PPIG: variants seen among roughly 807,000 people sequenced by gnomAD.
The protein encoded by PPIG is peptidyl-prolyl cis-trans isomerase G.
Under a neutral mutation model 87.9 loss-of-function variants are expected in PPIG, and 26 were observed. The observed-to-expected ratio is 0.30, with a 90% CI of 0.22 to 0.41. The LOEUF is 0.41. PPIG is among the 10% of genes least tolerant of loss of function. The pLI is 1.00. For missense variants in PPIG, 722 were observed against 879.4 expected, an observed-to-expected ratio of 0.82 and a Z score of 2.26; for synonymous variants, 308 against 276.5, an observed-to-expected ratio of 1.11 and a Z score of -1.13.
rs866763319 is a variant in PPIG at position 169,618,451 on chromosome 2, T to C, written c.547+3727T>C. Among the ~76,000 whole-genome samples, 11 of 152,354 alleles carry C rather than the reference T, an allele frequency of 7.2e-5. No individual in the cohort carries two copies. The Middle Eastern group carries it at 0.02, about 283-fold the overall frequency. ...TGGTACCAGCTCCTCTTTGTACCTC[T>C]GGTAGAATTTAGCTGTGAATCCATC... is the stretch of plus-strand genomic sequence containing the variant. On this transcript the variant is annotated intron_variant, in intron 9 of 13. Coordinates refer to ENST00000260970, the MANE Select transcript of PPIG (RefSeq NM_004792.3).
intron 1 of PPIG, among the ~76,000 whole-genome samples, chr2:169,585,916 T>C (rs1684690533): frequency 6.6e-6 from 1 of 152,042 alleles, no homozygotes; most frequent in East Asian, 1.9e-4. Flanking sequence ...GGATGGCCGG[T>C]AATTGCTACT....
chr2:169,601,736 A>G (rs1574442501), intron 1 of PPIG, among the ~76,000 whole-genome samples: 1 of 152,200 alleles, frequency 6.6e-6, no homozygotes, highest in East Asian at 1.9e-4. Flanking sequence ...AGGAAATGAA[A>G]GTTGAGGAAA....
rs569105714 is a variant in PPIG, at chr2:169,639,576, T to G, written c.*2053T>G. The stretch of plus-strand genomic sequence containing the variant: ...GTAATTTCTATAGGCAATATTCTGT[T>G]TGGGTTATCAAAAGAGCAACTCCAT... On this transcript the variant is annotated 3_prime_UTR_variant, in exon 14 of 14. Coordinates refer to ENST00000260970, the MANE Select transcript of PPIG (RefSeq NM_004792.3). 14 of 152,232 alleles carry G rather than the reference T, an allele frequency of 9.2e-5. No individual in the cohort carries two copies. Among genetic ancestry groups the G allele is most frequent in the African/African-American group, 3.1e-4 (13 of 41,570 alleles). 9.4% of individuals were successfully genotyped at this position (152,232 alleles called of 1,614,324 possible).
chr2:169,624,531 A>G (rs1190776655), intron 9 of PPIG, among the ~76,000 whole-genome samples: 2 of 152,172 alleles, frequency 1.3e-5, no homozygotes, highest in Non-Finnish European at 2.9e-5. Flanking sequence ...AACGATACTT[A>G]CATGCCATTA....
chr2:169,598,843 G>GTATATACATACAGGTAAATATATT (rs1685096746), intron 1 of PPIG, among the ~76,000 whole-genome samples: 1 of 110,422 alleles, frequency 9.1e-6, no homozygotes, highest in Non-Finnish European at 1.8e-5. Context: ...ATATTTATAT[G>GTATATACATACAGGTAAATATATT]TATATAAATA....
chr2:169,616,680 T>C (rs961509496), intron 9 of PPIG, among the ~76,000 whole-genome samples: 3 of 152,102 alleles, frequency 2.0e-5, no homozygotes, highest in African/African-American at 7.2e-5. Context: ...CTTTGCCCGC[T>C]TTTTGATGGG....
intron 12 of PPIG, among the ~76,000 whole-genome samples, chr2:169,634,470 A>G (rs1333036196): frequency 6.6e-6 from 1 of 152,126 alleles, no homozygotes; most frequent in Admixed American, 6.6e-5. Context: ...GGTAACTGTC[A>G]AATTTTTATC....
chr2:169,615,649 T>C (rs1685591944), intron 9 of PPIG, among the ~76,000 whole-genome samples: 1 of 152,212 alleles, frequency 6.6e-6, no homozygotes, highest in Non-Finnish European at 1.5e-5. Flanking sequence ...ACAGGCTGAA[T>C]AGTATTCCAT....
At chr2:169,611,614 AAGGAT>A (rs1341673490) in intron 7 of PPIG, among the ~76,000 whole-genome samples, 8 of 152,162 alleles carry the variant, frequency 5.3e-5, no homozygotes, top group African/African-American at 1.9e-4. Context: ...TTCAAAAGGA[AAGGAT>A]AGTTTACTGT....
intron 2 of PPIG, 35 bp downstream of exon 2, chr2:169,603,729 G>A (rs548737199): frequency 9.9e-6 from 3 of 302,624 alleles, no homozygotes; most frequent in African/African-American, 4.3e-5. Flanking sequence ...ATCATACAGA[G>A]TAAATACAAT....
intron 1 of PPIG, among the ~76,000 whole-genome samples, chr2:169,590,476 TA>T (rs1013706587): frequency 2.0e-5 from 3 of 151,818 alleles, no homozygotes; most frequent in Admixed American, 2.0e-4. Flanking sequence ...CCATCTCTAC[TA>T]AAAAAATACA....
chr2:169,585,156 C>T (rs1173465983), intron 1 of PPIG, among the ~76,000 whole-genome samples: 1 of 152,056 alleles, frequency 6.6e-6, no homozygotes, highest in Non-Finnish European at 1.5e-5. Context: ...TTCGGAGGAG[C>T]TGTGAGCTGC....
chr2:169,616,925 G>A (rs1395646430), intron 9 of PPIG, among the ~76,000 whole-genome samples: 1 of 152,118 alleles, frequency 6.6e-6, no homozygotes, highest in Non-Finnish European at 1.5e-5. Flanking sequence ...CTTTGCCCAT[G>A]CCTGTGTCCT....
chr2:169,615,304 C>T (rs569445572), intron 9 of PPIG, among the ~76,000 whole-genome samples: 35 of 152,266 alleles, frequency 2.3e-4, no homozygotes, highest in Non-Finnish European at 5.0e-4. Context: ...GCCTTGGCCC[C>T]CCAAAGTGCT....
intron 9 of PPIG, among the ~76,000 whole-genome samples, chr2:169,628,453 A>G (rs1053310337): frequency 3.9e-5 from 6 of 152,190 alleles, no homozygotes; most frequent in Admixed American, 3.9e-4. Flanking sequence ...AGTACAAGTA[A>G]CTTCAGCCAG....
rs188001237 is a variant in PPIG at position 169,613,395 on chromosome 2, G to A, written c.378-1069G>A. Among the ~76,000 whole-genome samples, 377 of 151,416 alleles carry A rather than the reference G, an allele frequency of 2.5e-3. 2 individuals are homozygous for A. The highest frequency in any genetic ancestry group is 3.9e-3 in the Non-Finnish European group (266 of 67,840). On this transcript the variant is annotated intron_variant, in intron 7 of 13. Transcript: ENST00000260970. ...TAGCATAAATTATGCTCCTTTTTTCGAATTTCTAATAGCTTTTTGATAAGG... is the reference window on the plus strand; with the variant it reads ...TAGCATAAATTATGCTCCTTTTTTCAAATTTCTAATAGCTTTTTGATAAGG...
rs769594912 is a variant in PPIG at position 169,608,707 on chromosome 2, T to G, written c.326T>G (p.Leu109Arg). The change falls in exon 7 of 14, where the codon CTC becomes CGC. Residue 109 changes from leucine (L) to arginine (R), a missense_variant. Transcript: ENST00000260970. ...GCTGTTAAACACAACAAAGAATTTC[T>G]CTTGTCAATGGCCAACAGAGGGAAG... The part of the protein sequence containing the change: ...SFAVKHNKEF[L>R]LSMANRGKDT... 1 of 1,609,966 alleles carries G rather than the reference T, an allele frequency of 6.2e-7. No homozygotes were observed. Among genetic ancestry groups the G allele is most frequent in the South Asian group, 1.1e-5 (1 of 90,980 alleles).
chr2:169,586,697 G>C (rs1200250706), intron 1 of PPIG, among the ~76,000 whole-genome samples: 1 of 152,148 alleles, frequency 6.6e-6, no homozygotes, highest in East Asian at 1.9e-4. Flanking sequence ...AAGTACTTCT[G>C]TTAGGACACT....
At chr2:169,625,427 C>G (rs757147813) in intron 9 of PPIG, among the ~76,000 whole-genome samples, 9 of 152,134 alleles carry the variant, frequency 5.9e-5, no homozygotes, top group Non-Finnish European at 1.2e-4. Flanking sequence ...TTGGTAGACA[C>G]TGCTACCAGA....
Sources: allele counts gnomAD v4.1 joint callset (sites outside exome capture counted in the v4.1 genomes callset), GRCh38; gene constraint gnomAD v4.1.1; transcripts MANE v1.5; gene names NCBI Gene and HGNC (gene_info 2026-07-23, HGNC 2026-07-21).